EVC2: variants seen among roughly 807,000 people sequenced by gnomAD.
The protein encoded by EVC2 is EvC ciliary complex subunit 2.
In EVC2, 148 loss-of-function variants were observed where a neutral mutation model predicts 149.3. The ratio of observed to expected loss-of-function variants is 0.99; its 90% confidence interval spans 0.87 to 1.14. The LOEUF (loss-of-function observed/expected upper bound fraction) is 1.14, where lower values mean the gene tolerates loss of function less well. EVC2 is among the 50% of genes most tolerant of loss of function. The probability of loss-of-function intolerance (pLI) is 0.00; values close to 1 mark genes in which losing one functional copy is unlikely to be tolerated. For synonymous variants in EVC2, 776 were observed against 649.9 expected (o/e 1.19, Z -2.95); for missense variants, 1,854 against 1,627.3 (o/e 1.14, Z -2.40).
intron 20 of EVC2, among the ~76,000 whole-genome samples, chr4:5,566,814 C>T (rs1722317773): frequency 6.6e-6 from 1 of 152,098 alleles, no homozygotes. Flanking sequence ...AAACAAGGTC[C>T]ACAGGGGTGG....
chr4:5,635,925 T>C (rs539986562), intron 10 of EVC2, among the ~76,000 whole-genome samples: 76 of 152,330 alleles, frequency 5.0e-4, no homozygotes, highest in African/African-American at 1.8e-3. Context: ...GGGCTTCGGT[T>C]TGCCCACCTT....
chr4:5,529,787 A>T, the EVC2 span, among the ~76,000 whole-genome samples: 1 of 152,028 alleles, frequency 6.6e-6, no homozygotes, highest in Non-Finnish European at 1.5e-5. The surrounding 1 kb of genome is among the most constrained non-coding windows in gnomAD (Gnocchi z 4.5). Context: ...ATGATACAGA[A>T]ATGGGAAGAA....
At position 5,576,399 on chromosome 4, in the gene EVC2, G is replaced by T; in HGVS notation, c.3113C>A (p.Ala1038Asp). 3 of 1,613,038 alleles carry T rather than the reference G, an allele frequency of 1.9e-6. No individual in the cohort carries two copies. Among genetic ancestry groups the T allele is most frequent in the Non-Finnish European group, 2.5e-6 (3 of 1,179,558 alleles). The change falls in exon 18 of 22, where the codon GCC becomes GAC. Residue 1038 changes from alanine (A) to aspartate (D), a missense_variant. Transcript: ENST00000344408. The surrounding 1 kb of genome is among the most constrained non-coding windows in gnomAD (Gnocchi z 4.5). Reference protein sequence around the residue: ...LEDQLVQQEAAQQQQALASWQ... With the variant: ...LEDQLVQQEADQQQQALASWQ... ...GCTCGCCAGGGCCTGCTGCTGCTGG[G>T]CTGCCTCCTGCTGCACCAGCTGGTC...
intron 9 of EVC2, among the ~76,000 whole-genome samples, chr4:5,658,155 T>C (rs1437746770): frequency 6.6e-6 from 1 of 152,230 alleles, no homozygotes; most frequent in African/African-American, 2.4e-5. Context: ...TACTTGCTAG[T>C]GTCCGGCAAA....
rs763892029 is a variant in EVC2, at chr4:5,565,347, G to C, written c.3570C>G (p.Ser1190Arg). Residue 1190 changes from serine to arginine, a missense_variant, in exon 21 of 22, where the codon AGC (serine) becomes AGG (arginine). Coordinates refer to ENST00000344408, the MANE Select transcript of EVC2 (RefSeq NM_147127.5). ...ADVGRRRKHQ[S>R]WWQALDGKLR... ...GTTTGCCATCTAAGGCTTGCCACCA[G>C]CTCTGGTGTTTCCTGCAGGCAAGAA... The C allele has an allele frequency of 5.0e-6, 8 of 1,613,934 alleles. No individual in the cohort carries two copies. In the African/African-American group the frequency reaches 1.1e-4, roughly 22 times the overall value.
At chr4:5,592,559 G>A (rs931838994) in intron 16 of EVC2, among the ~76,000 whole-genome samples, 2 of 152,174 alleles carry the variant, frequency 1.3e-5, no homozygotes, top group African/African-American at 2.4e-5. Flanking sequence ...GGTTGCAGCT[G>A]GTGCCAGGGA....
intron 9 of EVC2, among the ~76,000 whole-genome samples, chr4:5,661,880 T>C (rs1718897316): frequency 6.6e-6 from 1 of 152,252 alleles, no homozygotes; most frequent in East Asian, 1.9e-4. Context: ...CATAAGATGT[T>C]ACAGAGAGCA....
At chr4:5,663,277 T>C (rs1310745778) in intron 8 of EVC2, 31 bp from the exon 9 acceptor site, 1 of 1,613,406 alleles carries the variant, frequency 6.2e-7, no homozygotes, top group South Asian at 1.1e-5. Context: ...TAATAATTGA[T>C]TGGGCCTTCT....
chr4:5,706,115 C>T (rs1158872519), intron 1 of EVC2, among the ~76,000 whole-genome samples: 2 of 151,856 alleles, frequency 1.3e-5, no homozygotes, highest in Non-Finnish European at 2.9e-5. Context: ...TGACTCCTTC[C>T]CTGGCTAAAC....
At position 5,586,125 on chromosome 4, in the gene EVC2, G is replaced by A. The variant is rs137999626; in HGVS notation, c.2830-1275C>T. On this transcript the variant is annotated intron_variant, in intron 16 of 21. Transcript: ENST00000344408. ...GATCTACCCACCTCAGCCTCCCAAA[G>A]TGCTGGGATTACAGGCGTGAACCAC... Among the ~76,000 whole-genome samples, 1,016 of 152,258 alleles carry A rather than the reference G, an allele frequency of 6.7e-3. 9 individuals carry two copies. Among genetic ancestry groups the A allele is most frequent in the African/African-American group, 0.023 (971 of 41,532 alleles).
At chr4:5,673,640 T>C (rs1719807947) in intron 7 of EVC2, among the ~76,000 whole-genome samples, 1 of 152,194 alleles carries the variant, frequency 6.6e-6, no homozygotes, top group Non-Finnish European at 1.5e-5. Context: ...TTTAATCACA[T>C]ATTAGCAGGA....
intron 13 of EVC2, among the ~76,000 whole-genome samples, chr4:5,623,476 A>C (rs1384808784): frequency 6.6e-6 from 1 of 151,794 alleles, no homozygotes; most frequent in African/African-American, 2.4e-5. Flanking sequence ...AGTAGCTGGG[A>C]TTACAGGTGT....
At chr4:5,535,890 C>G in the EVC2 span, among the ~76,000 whole-genome samples, 1 of 152,108 alleles carries the variant, frequency 6.6e-6, no homozygotes, top group Non-Finnish European at 1.5e-5. This position sits in a 1 kb window ranked among gnomAD's most constrained non-coding sequence, Gnocchi z 4.7. Flanking sequence ...GCCCCAAAGA[C>G]GCCCATACCC....
At chr4:5,703,188 A>T (rs939011119) in intron 1 of EVC2, among the ~76,000 whole-genome samples, 1 of 152,218 alleles carries the variant, frequency 6.6e-6, no homozygotes. Flanking sequence ...CTTTTTGCTT[A>T]AAGTCAAAGT....
chr4:5,627,265 T>G lies in EVC2; in HGVS notation c.1886+1294A>C, dbSNP rs372678211. On this transcript the variant is annotated intron_variant, in intron 12 of 21. Coordinates refer to ENST00000344408, the MANE Select transcript of EVC2 (RefSeq NM_147127.5). ...GTAGATACATGTTTTAGAAATATAA[T>G]TATGTCTTTTAAAATAGAATTTGAA... 1.5e-4 allele frequency among the ~76,000 whole-genome samples: 23 copies of G among 152,316 alleles called. No individual in the cohort carries two copies. In the South Asian group the frequency reaches 4.1e-3, roughly 27 times the overall value.
chr4:5,708,573 G>T, upstream of EVC2: 2 of 1,245,092 alleles, frequency 1.6e-6, no homozygotes, highest in Non-Finnish European at 2.1e-6. Context: ...GGAGCTTCCG[G>T]ACCCCAGGCC....
chr4:5,593,224 T>C (rs1713002508), intron 16 of EVC2, among the ~76,000 whole-genome samples: 1 of 152,182 alleles, frequency 6.6e-6, no homozygotes, highest in African/African-American at 2.4e-5. Context: ...TAATACAGGA[T>C]GCAACCTTCC....
chr4:5,679,775 C>CG lies in EVC2; in HGVS notation c.870+1484dup, dbSNP rs908245425. Among the ~76,000 whole-genome samples the CG allele has an allele frequency of 6.6e-6, 1 of 152,012 alleles. No individual in the cohort carries two copies. The highest frequency in any genetic ancestry group is 1.5e-5 in the Non-Finnish European group (1 of 68,016). On this transcript the variant is annotated intron_variant, in intron 7 of 21. Transcript: ENST00000344408. This position sits in a 1 kb window ranked among gnomAD's most constrained non-coding sequence, Gnocchi z 5.1. ...GTAATTGCCCTTGCCCCCCATCCCC[C>CG]GACAGGTCCCAGTGTGTGATGTTCC...
intron 19 of EVC2, among the ~76,000 whole-genome samples, chr4:5,574,375 T>C (rs1403487468): frequency 2.0e-5 from 3 of 152,208 alleles, no homozygotes; most frequent in African/African-American, 4.8e-5. Context: ...TTCTTCCCGG[T>C]AGAACCTACT....
Sources: allele counts gnomAD v4.1 joint callset (sites outside exome capture counted in the v4.1 genomes callset), GRCh38; gene constraint gnomAD v4.1.1; non-coding constraint Gnocchi (gnomAD v3.1); transcripts MANE v1.5; gene names NCBI Gene and HGNC (gene_info 2026-07-23, HGNC 2026-07-21).